Variants in ERC2 observed in about 807,000 individuals in gnomAD.
ERC2 encodes ERC protein 2.
Under a neutral mutation model 114.8 loss-of-function variants are expected in ERC2, and 42 were observed. The observed-to-expected ratio is 0.37, with a 90% CI of 0.29 to 0.47. ERC2 has a LOEUF of 0.47. ERC2 is among the 20% of genes least tolerant of loss of function. The pLI is 0.99. For synonymous variants in ERC2, 454 were observed against 425.5 expected, an observed-to-expected ratio of 1.07 and a Z score of -0.82; for missense variants, 939 against 1,150.7, an observed-to-expected ratio of 0.82 and a Z score of 2.66.
intron 2 of ERC2, among the ~76,000 whole-genome samples, chr3:56,338,299 ATC>A (rs2057941680): frequency 6.6e-6 from 1 of 152,226 alleles, no homozygotes; most frequent in African/African-American, 2.4e-5. Flanking sequence ...TCTGTGTGAT[ATC>A]TCACAATAAC....
chr3:56,018,217 C>A (rs1340777054), intron 8 of ERC2, among the ~76,000 whole-genome samples: 1 of 152,174 alleles, frequency 6.6e-6, no homozygotes, highest in Non-Finnish European at 1.5e-5. Flanking sequence ...ACTATTATTA[C>A]CCTCTTTTAC....
intron 17 of ERC2, among the ~76,000 whole-genome samples, chr3:55,524,589 C>T (rs1231936176): frequency 1.4e-5 from 2 of 144,750 alleles, no homozygotes; most frequent in Non-Finnish European, 3.0e-5. Flanking sequence ...GACAGGAAGA[C>T]TTGGGAAGAA....
intron 2 of ERC2, among the ~76,000 whole-genome samples, chr3:56,423,847 T>A (rs1428297674): frequency 6.6e-6 from 1 of 152,240 alleles, no homozygotes; most frequent in Non-Finnish European, 1.5e-5. Context: ...TATCTGTGTG[T>A]CTGTGAAATA....
intron 3 of ERC2, among the ~76,000 whole-genome samples, chr3:56,256,090 G>A (rs1467338336): frequency 2.0e-5 from 3 of 152,270 alleles, no homozygotes; most frequent in South Asian, 2.1e-4. Context: ...CAAATCAAAC[G>A]TAACTTGGTG....
intron 14 of ERC2, among the ~76,000 whole-genome samples, chr3:55,809,259 G>C (rs569868009): frequency 6.6e-6 from 1 of 152,072 alleles, no homozygotes; most frequent in African/African-American, 2.4e-5. Flanking sequence ...AATGTGTAAC[G>C]ATCCAGTCAC....
intron 14 of ERC2, among the ~76,000 whole-genome samples, chr3:55,808,482 A>C (rs2059574807): frequency 6.6e-6 from 1 of 151,816 alleles, no homozygotes; most frequent in Non-Finnish European, 1.5e-5. Context: ...AATCATTGCC[A>C]ATTCTAAATC....
At chr3:56,122,870 T>G (rs929712780) in intron 6 of ERC2, among the ~76,000 whole-genome samples, 16 of 152,208 alleles carry the variant, frequency 1.1e-4, no homozygotes, top group Admixed American at 4.6e-4. Flanking sequence ...TCCTGGATTC[T>G]GCTGTCTCGT....
At chr3:56,163,338 T>G (rs1379522003) in intron 4 of ERC2, among the ~76,000 whole-genome samples, 1 of 152,104 alleles carries the variant, frequency 6.6e-6, no homozygotes, top group Non-Finnish European at 1.5e-5. Context: ...GAACATATAT[T>G]CTGTGGTTGA....
chr3:56,153,856 G>GA (rs372745387), intron 4 of ERC2, among the ~76,000 whole-genome samples: 3 of 152,278 alleles, frequency 2.0e-5, no homozygotes, highest in African/African-American at 7.2e-5. Context: ...ATCAGGCCAA[G>GA]AAAGAAGACA....
chr3:55,677,831 G>C (rs891416098), intron 17 of ERC2, among the ~76,000 whole-genome samples: 10 of 152,150 alleles, frequency 6.6e-5, no homozygotes, highest in Non-Finnish European at 1.2e-4. Flanking sequence ...CAGGGGATTT[G>C]CAGAGCCTCC....
chr3:56,180,694 G>C (rs762561608), intron 3 of ERC2, among the ~76,000 whole-genome samples: 1 of 152,130 alleles, frequency 6.6e-6, no homozygotes, highest in Non-Finnish European at 1.5e-5. Context: ...CAGAGTTTCA[G>C]TTTTGCAAGA....
intron 17 of ERC2, among the ~76,000 whole-genome samples, chr3:55,636,262 G>A (rs1029324274): frequency 3.3e-5 from 5 of 151,108 alleles, no homozygotes; most frequent in African/African-American, 1.2e-4. Flanking sequence ...GGCAGAATAA[G>A]GACAAACATG....
intron 3 of ERC2, among the ~76,000 whole-genome samples, chr3:56,196,247 C>T (rs746618503): frequency 1.1e-4 from 16 of 152,140 alleles, no homozygotes; most frequent in Non-Finnish European, 1.2e-4. Context: ...GTACACACTA[C>T]GTGCTCATTA....
intron 7 of ERC2, among the ~76,000 whole-genome samples, chr3:56,062,727 T>A (rs2076296945): frequency 6.6e-6 from 1 of 152,092 alleles, no homozygotes. Flanking sequence ...CCACCAGAAT[T>A]GTTGACCCTA....
At position 55,952,196 on chromosome 3, in the gene ERC2, C is replaced by CTA. The variant is rs1213961738; in HGVS notation, c.2268-1637_2268-1636insTA. Among the ~76,000 whole-genome samples the CTA allele has an allele frequency of 4.6e-4, 52 of 112,740 alleles. 9 individuals carry two copies. The South Asian group carries it at 0.012, about 27-fold the overall frequency. 74.0% of individuals were successfully genotyped at this position (112,740 alleles called of 152,430 possible). A position where few individuals can be genotyped will look rare whatever the true frequency, so the allele number is the denominator to read the frequency against. On this transcript the variant is annotated intron_variant, in intron 12 of 17. Coordinates refer to ENST00000288221, the MANE Select transcript of ERC2 (RefSeq NM_015576.3). The stretch of plus-strand genomic sequence containing the variant: ...ACACACACACTCTCTCTCTCTCTCT[C>CTA]TCTATATATATATATATATATTCTG...
At chr3:56,402,233 T>C (rs2060546143) in intron 2 of ERC2, among the ~76,000 whole-genome samples, 1 of 152,178 alleles carries the variant, frequency 6.6e-6, no homozygotes, top group Non-Finnish European at 1.5e-5. Context: ...GTTCTGCAGC[T>C]ATATTTATAA....
chr3:56,114,971 C>T (rs1271027196), intron 6 of ERC2, among the ~76,000 whole-genome samples: 1 of 152,136 alleles, frequency 6.6e-6, no homozygotes, highest in Non-Finnish European at 1.5e-5. Context: ...AGCCAGAGAC[C>T]TCAAGATTCC....
At chr3:56,007,152 C>T (rs749241250) in intron 10 of ERC2, 29 bp downstream of exon 10, 3 of 1,526,122 alleles carry the variant, frequency 2.0e-6, no homozygotes, top group East Asian at 2.4e-5. Flanking sequence ...TTTAAATAAG[C>T]ATGATTCTTT....
intron 2 of ERC2, among the ~76,000 whole-genome samples, chr3:56,373,873 C>A (rs2059440469): frequency 6.6e-6 from 1 of 152,092 alleles, no homozygotes; most frequent in Non-Finnish European, 1.5e-5. Context: ...GAAATGCATT[C>A]TTTTGTGGGT....
Sources: allele counts gnomAD v4.1 joint callset (sites outside exome capture counted in the v4.1 genomes callset), GRCh38; gene constraint gnomAD v4.1.1; transcripts MANE v1.5; gene names NCBI Gene and HGNC (gene_info 2026-07-23, HGNC 2026-07-21).